The following ERBB4 variants were observed in gnomAD, a reference collection of about 807,000 sequenced individuals.
The protein encoded by ERBB4 is receptor tyrosine-protein kinase erbB-4.
A neutral mutation model predicts 158.0 loss-of-function variants in ERBB4; 42 were observed. The observed-to-expected ratio is 0.27, with a 90% CI of 0.21 to 0.34. The LOEUF is 0.34. ERBB4 is among the 10% of genes least tolerant of loss of function. The probability of loss-of-function intolerance (pLI) is 1.00; values close to 1 mark genes in which losing one functional copy is unlikely to be tolerated. For synonymous variants in ERBB4, 583 were observed against 558.7 expected, an observed-to-expected ratio of 1.04 and a Z score of -0.61; for missense variants, 1,333 against 1,624.1, an observed-to-expected ratio of 0.82 and a Z score of 3.08.
intron 20 of ERBB4, among the ~76,000 whole-genome samples, chr2:211,550,885 C>T (rs2067075357): frequency 1.3e-5 from 2 of 151,168 alleles, no homozygotes. Flanking sequence ...CTAATTATGA[C>T]ATGTCCTAAG....
intron 20 of ERBB4, among the ~76,000 whole-genome samples, chr2:211,465,899 G>C (rs2064673873): frequency 6.6e-6 from 1 of 152,126 alleles, no homozygotes; most frequent in South Asian, 2.1e-4. Flanking sequence ...GCACTTTGAT[G>C]AATAAGTCAC....
At chr2:211,890,133 A>C (rs1205585382) in intron 3 of ERBB4, among the ~76,000 whole-genome samples, 33 of 81,978 alleles carry the variant, frequency 4.0e-4, no homozygotes, top group African/African-American at 1.7e-3. Flanking sequence ...ATGAAGGAAA[A>C]AATGTTAAGG....
intron 20 of ERBB4, among the ~76,000 whole-genome samples, chr2:211,453,180 C>T (rs917549052): frequency 6.6e-6 from 1 of 152,150 alleles, no homozygotes; most frequent in African/African-American, 2.4e-5. Context: ...GGTAACACCT[C>T]AAGAAAAGGG....
At chr2:212,522,597 G>C (rs1461963931) in intron 1 of ERBB4, among the ~76,000 whole-genome samples, 1 of 151,890 alleles carries the variant, frequency 6.6e-6, no homozygotes, top group Non-Finnish European at 1.5e-5. Context: ...TGGACAGTAA[G>C]AAAAAGATGA....
intron 1 of ERBB4, among the ~76,000 whole-genome samples, chr2:212,520,446 G>GT (rs1168518942): frequency 6.6e-6 from 1 of 151,834 alleles, no homozygotes; most frequent in Non-Finnish European, 1.5e-5. Flanking sequence ...ACATTAAAAG[G>GT]TTTTTATCTT....
intron 4 of ERBB4, among the ~76,000 whole-genome samples, chr2:211,781,046 C>T (rs916487296): frequency 4.6e-5 from 7 of 152,116 alleles, no homozygotes; most frequent in African/African-American, 1.7e-4. Context: ...AATTTTCTTG[C>T]TACTTTTTTA....
At chr2:212,345,249 G>C (rs1260824058) in intron 1 of ERBB4, among the ~76,000 whole-genome samples, 3 of 35,568 alleles carry the variant, frequency 8.4e-5, no homozygotes, top group African/African-American at 1.8e-4. Flanking sequence ...CTGGGGGACA[G>C]AGCAAGACTC....
At chr2:211,514,034 C>T (rs2065960968) in intron 20 of ERBB4, among the ~76,000 whole-genome samples, 1 of 152,082 alleles carries the variant, frequency 6.6e-6, no homozygotes, top group African/African-American at 2.4e-5. Flanking sequence ...TTATTGTCAA[C>T]TATAGTTGTC....
At chr2:211,987,684 G>A (rs1210573802) in intron 2 of ERBB4, among the ~76,000 whole-genome samples, 2 of 152,064 alleles carry the variant, frequency 1.3e-5, no homozygotes, top group East Asian at 3.8e-4. Flanking sequence ...GCTAAAGAAA[G>A]TGAGACTGGA....
At chr2:211,547,586 G>C (rs1211792011) in intron 20 of ERBB4, among the ~76,000 whole-genome samples, 1 of 152,048 alleles carries the variant, frequency 6.6e-6, no homozygotes, top group Non-Finnish European at 1.5e-5. Flanking sequence ...CAATAAACTA[G>C]ATATGCCAGT....
chr2:211,631,255 T>C (rs2070117314), intron 16 of ERBB4, among the ~76,000 whole-genome samples: 1 of 152,064 alleles, frequency 6.6e-6, no homozygotes, highest in Admixed American at 6.6e-5. Flanking sequence ...TCTGAAGACA[T>C]AGAAACCCCA....
intron 20 of ERBB4, among the ~76,000 whole-genome samples, chr2:211,452,626 A>G (rs973269711): frequency 2.6e-5 from 4 of 152,354 alleles, no homozygotes; most frequent in African/African-American, 7.2e-5. Context: ...GTTACCAACT[A>G]TCTCAACCTC....
chr2:211,713,539 T>C lies in ERBB4; in HGVS notation c.993A>G (p.Pro331=), dbSNP rs1187396628. The change falls in exon 8 of 28, where the codon CCA becomes CCG. Residue 331 remains proline (P), a synonymous_variant. Coordinates refer to ENST00000342788, the MANE Select transcript of ERBB4 (RefSeq NM_005235.3). The part of the protein sequence containing the change: ...KMCKPCTDIC[P]KACDGIGTGS... Reference sequence around the variant, plus strand: ...ATAATCTGAGCTACCACTCACCTTTTGGGCAAATGTCAGTGCAAGGTTTAC... The same window carrying C: ...ATAATCTGAGCTACCACTCACCTTTCGGGCAAATGTCAGTGCAAGGTTTAC... The C allele has an allele frequency of 6.3e-7, 1 of 1,583,068 alleles. No homozygotes were observed. Among genetic ancestry groups the C allele is most frequent in the Non-Finnish European group, 8.7e-7 (1 of 1,151,662 alleles).
chr2:212,377,070 TG>T (rs1480033683), intron 1 of ERBB4, among the ~76,000 whole-genome samples: 3 of 151,924 alleles, frequency 2.0e-5, no homozygotes, highest in Non-Finnish European at 2.9e-5. Flanking sequence ...GATATTGTTT[TG>T]TTGACATTGC....
In ERBB4 at chr2:211,376,050, A is replaced by G; in HGVS notation, c.*7565T>C. 4.3e-6 allele frequency: 1 copy of G among 233,134 alleles called. No homozygotes were observed. Among genetic ancestry groups the G allele is most frequent in the Non-Finnish European group, 8.5e-6 (1 of 117,714 alleles). The allele number at this position is 233,134 out of a possible 1,614,324, so 14.4% of individuals were successfully genotyped here. A position where few individuals can be genotyped will look rare whatever the true frequency, so the allele number is the denominator to read the frequency against. On this transcript the variant is annotated 3_prime_UTR_variant, in exon 28 of 28. Coordinates refer to ENST00000342788, the MANE Select transcript of ERBB4 (RefSeq NM_005235.3). ...AGGAGAAGAAAGAATAAGAGAAAGT[A>G]TACTAAAAATATGCCTAACATTAAA...
At chr2:211,895,804 C>T (rs549484047) in intron 3 of ERBB4, among the ~76,000 whole-genome samples, 8 of 152,292 alleles carry the variant, frequency 5.3e-5, no homozygotes, top group African/African-American at 1.9e-4. Context: ...GCACTTTACT[C>T]TTGCCATAAA....
Position 211,800,023 on chromosome 2 carries a change from C to T in ERBB4, c.422-11864G>A, listed in dbSNP as rs574465635. On this transcript the variant is annotated intron_variant, in intron 3 of 27. Transcript: ENST00000342788. Reference sequence around the variant, plus strand: ...TTGGAGCACATTATGCTTCTGGACACCCATAAAATTATTCACAATCACTAA... The same window carrying T: ...TTGGAGCACATTATGCTTCTGGACATCCATAAAATTATTCACAATCACTAA... Among the ~76,000 whole-genome samples, 4 of 152,122 alleles carry T rather than the reference C, an allele frequency of 2.6e-5. No individual in the cohort carries two copies. In the South Asian group the frequency reaches 8.3e-4, roughly 31 times the overall value.
chr2:212,372,674 G>A (rs1227647619), intron 1 of ERBB4, among the ~76,000 whole-genome samples: 6 of 152,124 alleles, frequency 3.9e-5, no homozygotes, highest in African/African-American at 1.4e-4. Flanking sequence ...GCTTGAACTT[G>A]GGAGGCAGAG....
intron 3 of ERBB4, among the ~76,000 whole-genome samples, chr2:211,912,261 G>A (rs1253627421): frequency 1.3e-5 from 2 of 152,054 alleles, no homozygotes; most frequent in Admixed American, 6.6e-5. Flanking sequence ...TCTTGTTTTT[G>A]TTCTGTACCT....
Sources: gnomAD v4.1 joint callset for allele counts (sites outside exome capture counted in the v4.1 genomes callset) on GRCh38, gnomAD v4.1.1 for gene constraint, MANE v1.5 for transcripts, NCBI Gene and HGNC (gene_info 2026-07-23, HGNC 2026-07-21) for gene names.